TXNDC12: variants seen among roughly 807,000 people sequenced by gnomAD.
TXNDC12 encodes the protein thioredoxin domain-containing protein 12.
Under a neutral mutation model 24.2 loss-of-function variants are expected in TXNDC12, and 22 were observed. That is an observed-to-expected ratio of 0.91 (90% CI 0.65 to 1.30). TXNDC12 has a LOEUF of 1.30. Among genes scored for constraint, TXNDC12 ranks in the 50% most tolerant of loss-of-function variants. TXNDC12 has a pLI of 0.00. For synonymous variants in TXNDC12, 58 were observed against 73.4 expected (o/e 0.79, Z 1.07); for missense variants, 184 against 205.8 (o/e 0.89, Z 0.65).
chr1:52,049,749 G>A (rs1467379856), intron 1 of TXNDC12, among the ~76,000 whole-genome samples: 1 of 149,744 alleles, frequency 6.7e-6, no homozygotes, highest in Non-Finnish European at 1.5e-5. Context: ...TGTTGCCCAT[G>A]CTGGTTTTGA....
At position 52,054,916 on chromosome 1, in the gene TXNDC12, G is replaced by A. The variant is rs1465643881; in HGVS notation, c.97+84C>T. 6 of 1,043,954 alleles carry A rather than the reference G, an allele frequency of 5.7e-6. No individual in the cohort carries two copies. The African/African-American group carries it at 9.5e-5, about 17-fold the overall frequency. 64.7% of individuals were successfully genotyped at this position (1,043,954 alleles called of 1,614,324 possible). On this transcript the variant is annotated intron_variant, in intron 1 of 6. Transcript: ENST00000371626. ...AGTGGCCTAAGAGTTAGAATGGGAG[G>A]GGAACGGTGCTAGGGCAAGAAGAGA... is the stretch of plus-strand genomic sequence containing the variant.
chr1:52,024,673 A>G lies in TXNDC12; in HGVS notation c.286-94T>C, dbSNP rs1685648459. On this transcript the variant is annotated intron_variant, in intron 4 of 6. Coordinates refer to ENST00000371626, the MANE Select transcript of TXNDC12 (RefSeq NM_015913.4). ...TCCCCACTTGTCAGGGCAAAACCCC[A>G]AGTCCTTGCAGTGGCCTATAAGGCC... 6.3e-6 allele frequency: 6 copies of G among 952,594 alleles called. No individual in the cohort carries two copies. In the East Asian group the frequency reaches 1.6e-4, roughly 25 times the overall value. The allele number at this position is 952,594 out of a possible 1,614,324, so 59.0% of individuals were successfully genotyped here.
Position 52,025,483 on chromosome 1 carries a change from G to A in TXNDC12, c.286-904C>T, listed in dbSNP as rs565093209. Among the ~76,000 whole-genome samples, 377 of 152,314 alleles carry A rather than the reference G, an allele frequency of 2.5e-3. 1 individual carries two copies. Among genetic ancestry groups the A allele is most frequent in the African/African-American group, 8.6e-3 (356 of 41,576 alleles). Reference sequence around the variant, plus strand: ...TCCACCTGCCTTGGCCTCCCAAAGTGCTGGGATCACAGGCATAAGCCACCA... The same window carrying A: ...TCCACCTGCCTTGGCCTCCCAAAGTACTGGGATCACAGGCATAAGCCACCA... On this transcript the variant is annotated intron_variant, in intron 4 of 6. Transcript: ENST00000371626.
At chr1:52,034,631 G>C (rs1458968380) in intron 2 of TXNDC12, among the ~76,000 whole-genome samples, 1 of 151,782 alleles carries the variant, frequency 6.6e-6, no homozygotes, top group Non-Finnish European at 1.5e-5. Flanking sequence ...TTCTTTTTTA[G>C]AGATGAGGTT....
intron 2 of TXNDC12, chr1:52,032,029 G>A (rs1223584935): frequency 5.0e-6 from 3 of 598,456 alleles, no homozygotes; most frequent in Non-Finnish European, 6.3e-6. Flanking sequence ...TTCACTTAAA[G>A]GCAGAACAAT....
chr1:52,040,079 C>G (rs1685958107), intron 2 of TXNDC12, among the ~76,000 whole-genome samples: 1 of 152,076 alleles, frequency 6.6e-6, no homozygotes, highest in South Asian at 2.1e-4. Flanking sequence ...ACTACAGGTG[C>G]ACACCACCAT....
At chr1:52,031,623 G>T (rs972831227) in intron 2 of TXNDC12, among the ~76,000 whole-genome samples, 10 of 152,140 alleles carry the variant, frequency 6.6e-5, no homozygotes, top group African/African-American at 1.9e-4. Flanking sequence ...CTCCAGAGTA[G>T]CTGGGATTAC....
intron 6 of TXNDC12, among the ~76,000 whole-genome samples, chr1:52,022,896 C>T (rs890794616): frequency 2.0e-5 from 3 of 152,164 alleles, no homozygotes; most frequent in Non-Finnish European, 4.4e-5. Context: ...GCCTCGGCCT[C>T]CCAAAGTGCT....
chr1:52,023,954 C>T (rs12567314), intron 5 of TXNDC12, among the ~76,000 whole-genome samples: 10 of 151,420 alleles, frequency 6.6e-5, no homozygotes, highest in East Asian at 1.9e-4. Flanking sequence ...ATGGCTGATG[C>T]GCAAATGGCT....
chr1:52,055,056 C>G lies in TXNDC12; in HGVS notation c.41G>C (p.Gly14Ala). The change falls in exon 1 of 7, where the codon GGC (glycine) becomes GCC (alanine). Residue 14 changes from glycine (G) to alanine (A), a missense_variant. Physicochemically the swap from Gly to Ala is moderately conservative, Grantham distance 60 (BLOSUM62 0). Transcript: ENST00000371626. ...GATGACGAGGAGCAGGAAACTGAAG[C>G]CCAGCAAACAGGTGGCCCCGAGACG... ...RPRLGATCLLGFSFLLLVISS... is the reference protein window; with the variant it reads ...RPRLGATCLLAFSFLLLVISS... 6.2e-7 allele frequency: 1 copy of G among 1,614,112 alleles called. No homozygotes were observed. The highest frequency in any genetic ancestry group is 8.5e-7 in the Non-Finnish European group (1 of 1,179,988).
chr1:52,022,940 G>A (rs116683750), intron 6 of TXNDC12: 2,927 of 152,616 alleles, frequency 0.019, 98 homozygotes, highest in African/African-American at 0.068. Context: ...CGCCCAGCCC[G>A]CTCAGCTATT....
At chr1:52,048,761 G>A (rs1686145099) in intron 1 of TXNDC12, among the ~76,000 whole-genome samples, 2 of 152,080 alleles carry the variant, frequency 1.3e-5, no homozygotes, top group South Asian at 4.1e-4. Flanking sequence ...GGAGGCTGAG[G>A]TGGGAGAATC....
In TXNDC12 at chr1:52,027,428, TTC is replaced by T. The variant is rs943761225; in HGVS notation, c.212-82_212-81del. On this transcript the variant is annotated intron_variant, in intron 3 of 6. Coordinates refer to ENST00000371626, the MANE Select transcript of TXNDC12 (RefSeq NM_015913.4). ...CCTTAACGAACATAAGCATCACTAT[TTC>T]TCTTTGGTAGTTTAGGCATTTGTTT... is the stretch of plus-strand genomic sequence containing the variant. 6.4e-6 allele frequency: 7 copies of T among 1,092,130 alleles called. No homozygotes were observed. In the African/African-American group the frequency reaches 7.9e-5, roughly 12 times the overall value. 67.7% of individuals were successfully genotyped at this position (1,092,130 alleles called of 1,614,324 possible). A position where few individuals can be genotyped will look rare whatever the true frequency, so the allele number is the denominator to read the frequency against.
At chr1:52,033,076 A>G (rs371352386) in intron 2 of TXNDC12, 8 of 1,605,160 alleles carry the variant, frequency 5.0e-6, no homozygotes, top group Non-Finnish European at 5.9e-6. Context: ...CAAAGTGAAT[A>G]AAGGCCGGTC....
intron 1 of TXNDC12, among the ~76,000 whole-genome samples, chr1:52,042,151 G>A (rs1686005173): frequency 6.6e-6 from 1 of 152,134 alleles, no homozygotes; most frequent in African/African-American, 2.4e-5. Context: ...AATGAAGTAA[G>A]TATTTAAAGC....
At chr1:52,027,744 T>C (rs994301565) in intron 3 of TXNDC12, among the ~76,000 whole-genome samples, 2 of 149,200 alleles carry the variant, frequency 1.3e-5, no homozygotes, top group Non-Finnish European at 3.0e-5. Context: ...ATATGTTATA[T>C]ATACATATAT....
chr1:52,032,674 GGC>G, intron 2 of TXNDC12: 2 of 1,560,346 alleles, frequency 1.3e-6, no homozygotes, highest in Non-Finnish European at 1.7e-6. Context: ...CAGAAGCCAT[GGC>G]TTCCCCCCTA....
intron 2 of TXNDC12, among the ~76,000 whole-genome samples, chr1:52,030,070 C>G (rs535922597): frequency 6.6e-6 from 1 of 152,036 alleles, no homozygotes; most frequent in East Asian, 1.9e-4. Flanking sequence ...TATTTGGCCC[C>G]ATAAAATCTA....
intron 2 of TXNDC12, chr1:52,033,651 G>T: frequency 1.9e-6 from 3 of 1,611,394 alleles, no homozygotes; most frequent in Admixed American, 1.7e-5. Context: ...GGACAGCTGC[G>T]TCGTCCACCA....
Sources: allele counts gnomAD v4.1 joint callset (sites outside exome capture counted in the v4.1 genomes callset), GRCh38; gene constraint gnomAD v4.1.1; transcripts MANE v1.5; gene names NCBI Gene and HGNC (gene_info 2026-07-23, HGNC 2026-07-21).